Variants in FAM3D observed in about 807,000 individuals in gnomAD.
The protein encoded by FAM3D is protein FAM3D.
A neutral mutation model predicts 29.8 loss-of-function variants in FAM3D; 26 were observed. That is an observed-to-expected ratio of 0.87 (90% CI 0.64 to 1.21). The LOEUF (loss-of-function observed/expected upper bound fraction) is 1.21. FAM3D is among the 50% of genes most tolerant of loss of function. The pLI is 0.00. For synonymous variants in FAM3D, 115 were observed against 102.3 expected (o/e 1.12, Z -0.75); for missense variants, 253 against 290.9 (o/e 0.87, Z 0.95).
intron 1 of FAM3D, among the ~76,000 whole-genome samples, chr3:58,664,360 T>G (rs1303856293): frequency 6.6e-6 from 1 of 152,214 alleles, no homozygotes; most frequent in African/African-American, 2.4e-5. Context: ...TTACTCTCAA[T>G]CATTGATGTG....
chr3:58,645,457 GAAATAAAATA>G (rs111621495), intron 5 of FAM3D, 42 bp downstream of exon 5: 7 of 1,189,128 alleles, frequency 5.9e-6, no homozygotes, highest in African/African-American at 3.0e-5. Context: ...ATGAATGAAT[GAAATAAAATA>G]AAATAAAATA....
rs370131941 is a variant in FAM3D, at chr3:58,645,616, C to G, written c.156G>C (p.Lys52Asn). The G allele has an allele frequency of 9.3e-6, 15 of 1,613,974 alleles. 1 individual carries two copies. Among genetic ancestry groups the G allele is most frequent in the South Asian group, 1.1e-5 (1 of 91,082 alleles). The change falls in exon 5 of 10, where the codon AAG (lysine) becomes AAC (asparagine). Residue 52 changes from lysine to asparagine, a missense_variant. By Grantham distance (94) the Lys-to-Asn change is moderately conservative. Transcript: ENST00000358781. Reference sequence around the variant, plus strand: ...AGGGCTTGATGAGGCCACACTTGTACTTTTTAACCTCTGGGGAGGAAAGAG... The same window carrying G: ...AGGGCTTGATGAGGCCACACTTGTAGTTTTTAACCTCTGGGGAGGAAAGAG... Reference protein sequence around the residue: ...ASPTKEIQVKKYKCGLIKPCP... With the variant: ...ASPTKEIQVKNYKCGLIKPCP...
At chr3:58,649,718 G>A (rs2066580575) in intron 3 of FAM3D, among the ~76,000 whole-genome samples, 1 of 152,044 alleles carries the variant, frequency 6.6e-6, no homozygotes, top group Non-Finnish European at 1.5e-5. Context: ...ACATACACTT[G>A]TACAAGACAC....
At chr3:58,653,642 A>C in intron 3 of FAM3D, 32 bp downstream of exon 3, 1 of 1,593,754 alleles carries the variant, frequency 6.3e-7, no homozygotes, top group Non-Finnish European at 8.6e-7. Flanking sequence ...CCTGGTCTGC[A>C]GTTCCTGCCC....
intron 1 of FAM3D, among the ~76,000 whole-genome samples, chr3:58,658,036 G>T (rs188373891): frequency 3.3e-5 from 5 of 152,304 alleles, no homozygotes; most frequent in African/African-American, 1.2e-4. Context: ...GAGGGGGCAG[G>T]TCTGGGGACA....
In FAM3D at chr3:58,638,036, C is replaced by T. The variant is rs568001727; in HGVS notation, c.374-811G>A. 2.6e-5 allele frequency among the ~76,000 whole-genome samples: 4 copies of T among 152,286 alleles called. No individual in the cohort carries two copies. In the East Asian group the frequency reaches 7.7e-4, roughly 29 times the overall value. On this transcript the variant is annotated intron_variant, in intron 7 of 9. Transcript: ENST00000358781. ...AGTAGCTGGAATTACAGGCATGCGC[C>T]GCCATGCCTGGCTAATTTTGTGTTT...
At chr3:58,662,580 T>A (rs2066952571) in intron 1 of FAM3D, among the ~76,000 whole-genome samples, 1 of 152,250 alleles carries the variant, frequency 6.6e-6, no homozygotes, top group Non-Finnish European at 1.5e-5. Context: ...AGAGAGTAAG[T>A]GGCTGGTCCA....
chr3:58,650,288 C>T (rs1258319106), intron 3 of FAM3D, among the ~76,000 whole-genome samples: 2 of 152,194 alleles, frequency 1.3e-5, no homozygotes, highest in Admixed American at 6.5e-5. Context: ...CCCCTTGCCT[C>T]CAAGGCCCCA....
chr3:58,634,088 G>A lies in FAM3D; in HGVS notation c.*191C>T, dbSNP rs2066090187. On this transcript the variant is annotated 3_prime_UTR_variant, in exon 10 of 10. Coordinates refer to ENST00000358781, the MANE Select transcript of FAM3D (RefSeq NM_138805.3). This position sits in a 1 kb window ranked among gnomAD's most constrained non-coding sequence, Gnocchi z 4.6. ...GTTCCAGAAGGACCCTCTGAGGCTGGTCTTCCGGGTAGGATGTGCTGTGGG... is the reference window on the plus strand; with the variant it reads ...GTTCCAGAAGGACCCTCTGAGGCTGATCTTCCGGGTAGGATGTGCTGTGGG... 3 of 541,696 alleles carry A rather than the reference G, an allele frequency of 5.5e-6. No individual in the cohort carries two copies. Among genetic ancestry groups the A allele is most frequent in the African/African-American group, 2.0e-5 (1 of 50,682 alleles). 33.6% of individuals were successfully genotyped at this position (541,696 alleles called of 1,614,324 possible).
chr3:58,649,890 A>G (rs561925900), intron 3 of FAM3D, among the ~76,000 whole-genome samples: 4 of 152,290 alleles, frequency 2.6e-5, no homozygotes, highest in Admixed American at 2.6e-4. Context: ...AGCCACCCTC[A>G]CAGGGCCATG....
chr3:58,643,579 A>T, intron 6 of FAM3D, 83 bp downstream of exon 6: 1 of 1,403,828 alleles, frequency 7.1e-7, no homozygotes, highest in Non-Finnish European at 1.0e-6. Flanking sequence ...AGCTGAGCCA[A>T]TGTTGGTTGA....
At chr3:58,638,586 T>TA (rs1211391617) in intron 7 of FAM3D, among the ~76,000 whole-genome samples, 5 of 152,196 alleles carry the variant, frequency 3.3e-5, no homozygotes, top group African/African-American at 9.7e-5. Context: ...GGCCTTTTAA[T>TA]AAAAAATGAT....
intron 2 of FAM3D, among the ~76,000 whole-genome samples, chr3:58,654,492 T>G (rs895220790): frequency 6.6e-6 from 1 of 152,192 alleles, no homozygotes; most frequent in African/African-American, 2.4e-5. Context: ...GCCAGATTGC[T>G]TTCTGATTCC....
intron 7 of FAM3D, among the ~76,000 whole-genome samples, chr3:58,638,301 G>C (rs944009789): frequency 6.6e-6 from 1 of 152,218 alleles, no homozygotes; most frequent in African/African-American, 2.4e-5. Context: ...AAGAAAAAAA[G>C]TGATCCAATT....
chr3:58,650,990 T>A (rs900948157), intron 3 of FAM3D, among the ~76,000 whole-genome samples: 1 of 149,686 alleles, frequency 6.7e-6, no homozygotes, highest in Non-Finnish European at 1.5e-5. Context: ...GTGCTGGGAT[T>A]ACAGGCGTGA....
In FAM3D at chr3:58,645,535, GC is replaced by G. The variant is rs752155268; in HGVS notation, c.236del (p.Gly79AlafsTer10). 1 of 1,614,134 alleles carries G rather than the reference GC, an allele frequency of 6.2e-7. No individual in the cohort carries two copies. Among genetic ancestry groups the G allele is most frequent in the Non-Finnish European group, 8.5e-7 (1 of 1,179,990 alleles). The part of the protein sequence containing the change: ...KICSGAANVV[G>X]PTMCFEDRMI... Reference sequence around the variant, plus strand: ...TGCGGTCTTCAAAGCACATAGTAGGGCCCACGACGTTGGCGGCCCCACTGCA... The same window carrying G: ...TGCGGTCTTCAAAGCACATAGTAGGGCCACGACGTTGGCGGCCCCACTGCA... On this transcript the variant is annotated frameshift_variant, in exon 5 of 10. Transcript: ENST00000358781. LOFTEE classifies it high-confidence loss of function.
At chr3:58,655,624 T>C (rs1490464158) in intron 1 of FAM3D, 23 bp from the exon 2 acceptor site, 1 of 1,595,746 alleles carries the variant, frequency 6.3e-7, no homozygotes, top group Admixed American at 1.7e-5. Flanking sequence ...GAAAATCCAG[T>C]CGGAAACTGG....
In FAM3D at chr3:58,648,080, G is replaced by A. The variant is rs778246611; in HGVS notation, c.145+1235C>T. Among the ~76,000 whole-genome samples the A allele has an allele frequency of 4.6e-5, 7 of 152,290 alleles. No individual in the cohort carries two copies. The South Asian group carries it at 6.2e-4, about 14-fold the overall frequency. ...GATTGATTGGTGATGTCTGCCATGG[G>A]AACAGGCAGGGTGGAAAACAGCATG... On this transcript the variant is annotated intron_variant, in intron 4 of 9. Coordinates refer to ENST00000358781, the MANE Select transcript of FAM3D (RefSeq NM_138805.3).
intron 1 of FAM3D, among the ~76,000 whole-genome samples, chr3:58,659,813 C>T (rs2066897844): frequency 6.6e-6 from 1 of 152,072 alleles, no homozygotes; most frequent in Non-Finnish European, 1.5e-5. Flanking sequence ...CACCTCATTA[C>T]TAACATTTTT....
Sources: allele counts gnomAD v4.1 joint callset (sites outside exome capture counted in the v4.1 genomes callset), GRCh38; gene constraint gnomAD v4.1.1; non-coding constraint Gnocchi (gnomAD v3.1); transcripts MANE v1.5; gene names NCBI Gene and HGNC (gene_info 2026-07-23, HGNC 2026-07-21).